Variants in BUD23 observed in about 807,000 individuals in gnomAD.
The protein encoded by BUD23 is BUD23 rRNA methyltransferase and ribosome maturation factor.
A neutral mutation model predicts 47.0 loss-of-function variants in BUD23; 34 were observed. The observed-to-expected ratio is 0.72, with a 90% CI of 0.55 to 0.96. The LOEUF (loss-of-function observed/expected upper bound fraction) is 0.96, where lower values mean the gene tolerates loss of function less well. BUD23 is among the 40% of genes least tolerant of loss of function. BUD23 has a pLI of 0.00. For missense variants in BUD23, 343 were observed against 361.2 expected (o/e 0.95, Z 0.41); for synonymous variants, 124 against 132.0 (o/e 0.94, Z 0.41).
chr7:73,695,535 C>T (rs1554614740), intron 10 of BUD23: 2 of 152,242 alleles, frequency 1.3e-5, no homozygotes, highest in Non-Finnish European at 2.9e-5. Context: ...AGGTGTGAGC[C>T]ACTGCGCCTG....
Position 73,683,610 on chromosome 7 carries a change from C to A in BUD23, c.-16C>A. 1 of 1,603,056 alleles carries A rather than the reference C, an allele frequency of 6.2e-7. No homozygotes were observed. Among genetic ancestry groups the A allele is most frequent in the Non-Finnish European group, 8.5e-7 (1 of 1,175,728 alleles). On this transcript the variant is annotated 5_prime_UTR_variant, in exon 1 of 12. The change creates a new upstream start codon in the 5' untranslated region. Coordinates refer to ENST00000265758, the MANE Select transcript of BUD23 (RefSeq NM_017528.5). Reference sequence around the variant, plus strand: ...CCGGCAGGCGCCAGTCGCAGGTGTGCTGCTGAGGCGTGAGAATGGCGTCCC... The same window carrying A: ...CCGGCAGGCGCCAGTCGCAGGTGTGATGCTGAGGCGTGAGAATGGCGTCCC...
intron 8 of BUD23, 91 bp from the exon 9 acceptor site, chr7:73,693,532 CA>C: frequency 6.3e-7 from 1 of 1,597,416 alleles, no homozygotes; most frequent in Non-Finnish European, 8.6e-7. Flanking sequence ...AGGGTCCAGG[CA>C]GGCGGAGGGG....
Position 73,683,650 on chromosome 7 carries a change from G to T in BUD23, c.25G>T (p.Glu9Ter). MASRGRRP[E>*]HGGPPELFYD... ...AATGGCGTCCCGCGGCCGGCGTCCG[G>T]AGCATGGCGGACCCCCAGAGCTGGT... Residue 9 changes from glutamate to a stop codon, truncating the protein, a stop_gained, in exon 1 of 12, where the codon GAG becomes TAG. Coordinates refer to ENST00000265758, the MANE Select transcript of BUD23 (RefSeq NM_017528.5). LOFTEE classifies it high-confidence loss of function. 6.2e-7 allele frequency: 1 copy of T among 1,612,770 alleles called. No homozygotes were observed.
Position 73,694,028 on chromosome 7 carries a change from G to A in BUD23, c.679G>A (p.Glu227Lys). The part of the protein sequence containing the change: ...SENQDEVEPR[E>K]SVFTNERFPL... ...AAATCAGGATGAAGTTGAACCCAGG[G>A]AGTCTGTGTTCACCAATGAGAGGTA... Residue 227 changes from glutamate to lysine, a missense_variant, in exon 10 of 12, where the codon GAG becomes AAG. Transcript: ENST00000265758. The A allele has an allele frequency of 6.2e-7, 1 of 1,611,484 alleles. No individual in the cohort carries two copies. Among genetic ancestry groups the A allele is most frequent in the South Asian group, 1.1e-5 (1 of 90,944 alleles).
chr7:73,685,526 C>T (rs1026357475), intron 2 of BUD23, among the ~76,000 whole-genome samples: 11 of 152,168 alleles, frequency 7.2e-5, no homozygotes, highest in Non-Finnish European at 1.5e-4. Context: ...GCAACCTCGC[C>T]TCCCGGGTAG....
At chr7:73,696,671 C>G (rs1368167046) in intron 10 of BUD23, 2 of 152,252 alleles carry the variant, frequency 1.3e-5, no homozygotes, top group Non-Finnish European at 2.9e-5. Context: ...ATTCAGGACA[C>G]TTGTTTATTT....
chr7:73,684,222 G>C (rs1282892194), intron 2 of BUD23, among the ~76,000 whole-genome samples: 2 of 152,096 alleles, frequency 1.3e-5, no homozygotes, highest in African/African-American at 4.8e-5. Context: ...ATTTCATAGA[G>C]GGTAGTTTGT....
In BUD23 at chr7:73,693,432, G is replaced by A. The variant is rs1554614371; in HGVS notation, c.596+18G>A. The A allele has an allele frequency of 1.2e-6, 2 of 1,613,840 alleles. No homozygotes were observed. The highest frequency in any genetic ancestry group is 1.7e-5 in the Admixed American group (1 of 60,000). Reference sequence around the variant, plus strand: ...GCAAAGAAGTGAGCGCTGGGGGCCGGTGTGCTGCCTGGGCTGCAGGAGGGA... The same window carrying A: ...GCAAAGAAGTGAGCGCTGGGGGCCGATGTGCTGCCTGGGCTGCAGGAGGGA... On this transcript the variant is annotated intron_variant, in intron 8 of 11. Transcript: ENST00000265758.
At chr7:73,692,574 G>A in intron 6 of BUD23, 22 bp from the exon 7 acceptor site, 2 of 1,613,040 alleles carry the variant, frequency 1.2e-6, no homozygotes, top group Non-Finnish European at 1.7e-6. Context: ...TTGTAAGACA[G>A]TGATGTTCCT....
rs782180261 is a variant in BUD23 at position 73,691,000 on chromosome 7, T to G, written c.447T>G (p.Leu149=). Residue 149 remains leucine (L), a synonymous_variant, in exon 6 of 12, where the codon CTT becomes CTG. Coordinates refer to ENST00000265758, the MANE Select transcript of BUD23 (RefSeq NM_017528.5). ...GCCTGTACTGCTTTTTTGCTTCTCT[T>G]TTTTCTGTTCTCGTGAGTATAAGAT... is the stretch of plus-strand genomic sequence containing the variant. ...AKRLYCFFAS[L]FSVLVRGSRA... is the part of the protein sequence containing the mutation. 3.1e-6 allele frequency: 5 copies of G among 1,614,148 alleles called. No individual in the cohort carries two copies. In the South Asian group the frequency reaches 4.4e-5, roughly 14 times the overall value.
In BUD23 at chr7:73,686,730, G is replaced by A; in HGVS notation, c.181G>A (p.Gly61Ser). The A allele has an allele frequency of 6.2e-7, 1 of 1,614,172 alleles. No homozygotes were observed. The highest frequency in any genetic ancestry group is 1.1e-5 in the South Asian group (1 of 91,078). Residue 61 changes from glycine (G) to serine (S), a missense_variant and splice_region_variant, in exon 3 of 12, where the codon GGC becomes AGC. Physicochemically the swap from Gly to Ser is moderately conservative, Grantham distance 56. Coordinates refer to ENST00000265758, the MANE Select transcript of BUD23 (RefSeq NM_017528.5). ...TAAGCCCTGTTACCTGCTGGATATT[G>A]GGTGAGATTCTGGGGCCTGGTTCAG... ...ENKPCYLLDI[G>S]CGTGLSGSYL... is the part of the protein sequence containing the mutation.
chr7:73,693,204 C>A (rs766239155), intron 7 of BUD23, 125 bp from the exon 8 acceptor site: 2 of 872,244 alleles, frequency 2.3e-6, no homozygotes, highest in African/African-American at 1.7e-5. Context: ...TGGCTTACAG[C>A]GACCTTAAGT....
intron 10 of BUD23, 153 bp from the exon 11 acceptor site, chr7:73,697,452 G>A: frequency 6.5e-7 from 1 of 1,540,724 alleles, no homozygotes; most frequent in African/African-American, 1.4e-5. Flanking sequence ...CCAGAGCGGG[G>A]AATTGTGTTA....
intron 5 of BUD23, among the ~76,000 whole-genome samples, 163 bp downstream of exon 5, chr7:73,687,258 G>T (rs1798010779): frequency 6.6e-6 from 1 of 152,054 alleles, no homozygotes; most frequent in Non-Finnish European, 1.5e-5. Context: ...GGGACTACAG[G>T]CCCACACCAC....
intron 6 of BUD23, among the ~76,000 whole-genome samples, chr7:73,692,135 G>A (rs1170314900): frequency 1.3e-5 from 2 of 152,150 alleles, no homozygotes; most frequent in Middle Eastern, 3.2e-3. Flanking sequence ...TCTGGCCGCT[G>A]GTCTTGTGTG....
chr7:73,690,800 C>A, intron 5 of BUD23, 116 bp from the exon 6 acceptor site: 1 of 765,278 alleles, frequency 1.3e-6, no homozygotes, highest in Non-Finnish European at 2.2e-6. Flanking sequence ...AGAAGGGAAG[C>A]TGTGGGAGGA....
Position 73,686,525 on chromosome 7 carries a change from G to A in BUD23, c.87-111G>A, listed in dbSNP as rs781918295. 120 of 953,072 alleles carry A rather than the reference G, an allele frequency of 1.3e-4. No individual in the cohort carries two copies. The East Asian group carries it at 2.1e-3, about 17-fold the overall frequency. The allele number at this position is 953,072 out of a possible 1,614,324, so 59.0% of individuals were successfully genotyped here. On this transcript the variant is annotated intron_variant, in intron 2 of 11. Transcript: ENST00000265758. ...AAGAGTACCTCGGGATGATTGATCC[G>A]TTTTTTGTTTGTTTTTAACTTGGCT...
At chr7:73,690,874 C>G (rs782191466) in intron 5 of BUD23, 42 bp from the exon 6 acceptor site, 1 of 1,532,304 alleles carries the variant, frequency 6.5e-7, no homozygotes, top group Non-Finnish European at 9.0e-7. Flanking sequence ...GGGGGAGCAA[C>G]GTGGATTGCT....
At chr7:73,689,739 T>C (rs2116685773) in intron 5 of BUD23, among the ~76,000 whole-genome samples, 1 of 152,272 alleles carries the variant, frequency 6.6e-6, no homozygotes, top group South Asian at 2.1e-4. Context: ...CACTTAAGTG[T>C]GTCCTAAGAA....
Sources: allele counts gnomAD v4.1 joint callset (sites outside exome capture counted in the v4.1 genomes callset), GRCh38; gene constraint gnomAD v4.1.1; transcripts MANE v1.5; gene names NCBI Gene and HGNC (gene_info 2026-07-23, HGNC 2026-07-21).